Variants in MICAL2 observed in about 807,000 individuals in gnomAD.
MICAL2 encodes [F-actin]-monooxygenase MICAL2.
A neutral mutation model predicts 127.3 loss-of-function variants in MICAL2; 77 were observed. That is an observed-to-expected ratio of 0.60 (90% confidence interval 0.50 to 0.73). The LOEUF (loss-of-function observed/expected upper bound fraction) is 0.73. Ranked by LOEUF, MICAL2 falls within the 30% of genes least tolerant of loss-of-function variation. The probability of loss-of-function intolerance (pLI) is 0.00; values close to 1 mark genes in which losing one functional copy is unlikely to be tolerated. For missense variants in MICAL2, 1,351 were observed against 1,434.4 expected (o/e 0.94, Z 0.94); for synonymous variants, 570 against 551.1 (o/e 1.03, Z -0.48).
At chr11:12,325,078 G>C (rs917378125) in intron 31 of MICAL2, among the ~76,000 whole-genome samples, 1 of 151,978 alleles carries the variant, frequency 6.6e-6, no homozygotes, top group African/African-American at 2.4e-5. Context: ...TTTAATCTCT[G>C]AGACTTTCAT....
chr11:12,270,110 G>A (rs551289540), intron 24 of MICAL2, among the ~76,000 whole-genome samples: 2 of 152,304 alleles, frequency 1.3e-5, no homozygotes, highest in Non-Finnish European at 1.5e-5. Context: ...CTCCTTCCCA[G>A]AGCAATTGTG....
intron 3 of MICAL2, among the ~76,000 whole-genome samples, chr11:12,174,391 A>G (rs1856614184): frequency 8.3e-6 from 1 of 120,860 alleles, no homozygotes; most frequent in Admixed American, 1.2e-4. Context: ...CCACCATTCT[A>G]CTTTCTGTCT....
intron 31 of MICAL2, among the ~76,000 whole-genome samples, chr11:12,324,350 G>A (rs1864333189): frequency 6.6e-6 from 1 of 152,186 alleles, no homozygotes; most frequent in Non-Finnish European, 1.5e-5. Context: ...CCAACGCATG[G>A]CCTTGGGAGT....
chr11:12,199,500 C>A (rs771790632), intron 3 of MICAL2, among the ~76,000 whole-genome samples: 1 of 152,182 alleles, frequency 6.6e-6, no homozygotes, highest in South Asian at 2.1e-4. Context: ...AGACTGCTAA[C>A]CCCTGGCTTA....
chr11:12,343,917 A>C (rs1240300290), intron 32 of MICAL2, among the ~76,000 whole-genome samples: 1 of 152,208 alleles, frequency 6.6e-6, no homozygotes, highest in Non-Finnish European at 1.5e-5. Flanking sequence ...CTGTAAGGCC[A>C]GGTGAAAGAT....
chr11:12,259,195 T>C (rs1278638283), intron 25 of MICAL2, among the ~76,000 whole-genome samples: 1 of 152,272 alleles, frequency 6.6e-6, no homozygotes, highest in African/African-American at 2.4e-5. Context: ...GTAACCACTC[T>C]ACCCTGAGAA....
downstream of MICAL2, among the ~76,000 whole-genome samples, chr11:12,268,744 A>G (rs1863636218): frequency 2.0e-5 from 3 of 152,118 alleles, no homozygotes; most frequent in Admixed American, 6.5e-5. Flanking sequence ...TAATCCAAGC[A>G]CTTTGGGAGG....
At chr11:12,339,194 T>C (rs750041180) in intron 32 of MICAL2, among the ~76,000 whole-genome samples, 5 of 152,354 alleles carry the variant, frequency 3.3e-5, no homozygotes, top group East Asian at 1.9e-4. Context: ...CTTCATTTCA[T>C]TCATTTCATC....
rs562234190 is a variant in MICAL2 at position 12,172,262 on chromosome 11, A to G, written c.264+9843A>G. The stretch of plus-strand genomic sequence containing the variant: ...TCCATGGGCACAGGAATTTTTGCCT[A>G]TATGTTCTCGGCTGATTCCCCAGCA... On this transcript the variant is annotated intron_variant, in intron 3 of 27. Transcript: ENST00000683283. Among the ~76,000 whole-genome samples, 33 of 152,310 alleles carry G rather than the reference A, an allele frequency of 2.2e-4. No homozygotes were observed. The East Asian group carries it at 5.6e-3, about 26-fold the overall frequency.
intron 3 of MICAL2, among the ~76,000 whole-genome samples, chr11:12,179,771 G>A (rs1000349640): frequency 1.3e-5 from 2 of 152,224 alleles, no homozygotes; most frequent in African/African-American, 4.8e-5. Flanking sequence ...GAGCCCAGCT[G>A]GTTGGTGTTG....
chr11:12,188,921 C>A (rs575140154), intron 3 of MICAL2, among the ~76,000 whole-genome samples: 1 of 152,290 alleles, frequency 6.6e-6, no homozygotes, highest in African/African-American at 2.4e-5. Flanking sequence ...ATTAGGATTT[C>A]TACACATCTT....
chr11:12,253,633 C>T (rs1339916482), intron 22 of MICAL2: 3 of 152,200 alleles, frequency 2.0e-5, no homozygotes, highest in East Asian at 1.9e-4. Context: ...GTTCTACGAG[C>T]GATCCTTGCA....
At chr11:12,198,810 G>C (rs981283369) in intron 3 of MICAL2, among the ~76,000 whole-genome samples, 1 of 152,250 alleles carries the variant, frequency 6.6e-6, no homozygotes, top group Non-Finnish European at 1.5e-5. Flanking sequence ...GCACCTGCCA[G>C]TGTGACTTGC....
intron 12 of MICAL2, among the ~76,000 whole-genome samples, chr11:12,223,833 G>A (rs778651949): frequency 3.3e-5 from 5 of 152,184 alleles, no homozygotes; most frequent in Non-Finnish European, 7.3e-5. Context: ...CCCTTAAGTA[G>A]ATAATGAGCT....
chr11:12,227,630 G>A (rs1857647907), intron 15 of MICAL2, among the ~76,000 whole-genome samples: 1 of 152,174 alleles, frequency 6.6e-6, no homozygotes, highest in South Asian at 2.1e-4. Context: ...TTTCTGATGA[G>A]GGGAGCAAAT....
chr11:12,264,469 C>A (rs1390584476), downstream of MICAL2, among the ~76,000 whole-genome samples: 2 of 152,182 alleles, frequency 1.3e-5, no homozygotes, highest in African/African-American at 4.8e-5. Flanking sequence ...AGATTTGGAG[C>A]CTCACTTGGC....
At chr11:12,231,818 A>C (rs1858313827) in intron 15 of MICAL2, among the ~76,000 whole-genome samples, 1 of 152,198 alleles carries the variant, frequency 6.6e-6, no homozygotes, top group African/African-American at 2.4e-5. Context: ...AGGGCCCTGG[A>C]GTATCCCCTC....
At chr11:12,148,079 G>C (rs1208034705) in intron 2 of MICAL2, among the ~76,000 whole-genome samples, 1 of 152,148 alleles carries the variant, frequency 6.6e-6, no homozygotes, top group East Asian at 1.9e-4. Flanking sequence ...TTCTCAGGGA[G>C]CTTTTCTCAG....
intron 1 of MICAL2, among the ~76,000 whole-genome samples, chr11:12,125,029 C>T (rs1024247813): frequency 6.6e-6 from 1 of 152,214 alleles, no homozygotes; most frequent in Non-Finnish European, 1.5e-5. Context: ...GATGATGAAA[C>T]TCTCTGCAAA....
Sources: allele counts gnomAD v4.1 joint callset (sites outside exome capture counted in the v4.1 genomes callset), GRCh38; gene constraint gnomAD v4.1.1; transcripts MANE v1.5; gene names NCBI Gene and HGNC (gene_info 2026-07-23, HGNC 2026-07-21).